EMID1: variants seen among roughly 807,000 people sequenced by gnomAD.
EMID1 encodes the protein EMI domain containing 1.
Under a neutral mutation model 60.6 loss-of-function variants are expected in EMID1, and 40 were observed. The observed-to-expected ratio is 0.66, with a 90% confidence interval of 0.51 to 0.86. EMID1 has a LOEUF of 0.86. Among genes scored for constraint, EMID1 ranks in the 40% least tolerant of loss-of-function variants. The pLI, the probability that EMID1 is intolerant of heterozygous loss-of-function variation, is 0.00. For synonymous variants in EMID1, 242 were observed against 231.0 expected, an observed-to-expected ratio of 1.05 and a Z score of -0.43; for missense variants, 585 against 597.1, an observed-to-expected ratio of 0.98 and a Z score of 0.21.
intron 13 of EMID1, among the ~76,000 whole-genome samples, chr22:29,253,656 G>T (rs922667750): frequency 6.6e-5 from 10 of 152,218 alleles, no homozygotes; most frequent in Admixed American, 1.3e-4. Context: ...CCCATTGAAA[G>T]TCAAGGAACA....
chr22:29,206,233 C>A, intron 1 of EMID1, 94 bp downstream of exon 1: 1 of 987,204 alleles, frequency 1.0e-6, no homozygotes, highest in Non-Finnish European at 1.3e-6. Flanking sequence ...GGAGGGCGAT[C>A]CAGTCCCCAG....
chr22:29,228,593 T>C (rs8142085), intron 5 of EMID1, among the ~76,000 whole-genome samples: 7,185 of 152,274 alleles, frequency 0.047, 351 homozygotes, highest in East Asian at 0.14. Flanking sequence ...TCGTTTTGTT[T>C]TGATTCAGAA....
In EMID1 at chr22:29,206,158, T is replaced by A; in HGVS notation, c.101+19T>A. Reference sequence around the variant, plus strand: ...GACGCAGGTAAGAGCTCCCGGCGCCTTTGCACCCCGCTGGCCGAGGGTCCC... The same window carrying A: ...GACGCAGGTAAGAGCTCCCGGCGCCATTGCACCCCGCTGGCCGAGGGTCCC... On this transcript the variant is annotated intron_variant, in intron 1 of 14. Coordinates refer to ENST00000334018, the MANE Select transcript of EMID1 (RefSeq NM_133455.4). 1.6e-6 allele frequency: 2 copies of A among 1,228,190 alleles called. No homozygotes were observed. The highest frequency in any genetic ancestry group is 2.0e-6 in the Non-Finnish European group (2 of 985,134). The allele number at this position is 1,228,190 out of a possible 1,614,324, so 76.1% of individuals were successfully genotyped here. A position where few individuals can be genotyped will look rare whatever the true frequency, so the allele number is the denominator to read the frequency against.
intron 5 of EMID1, among the ~76,000 whole-genome samples, chr22:29,228,556 T>A (rs981694621): frequency 2.6e-5 from 4 of 152,162 alleles, no homozygotes; most frequent in Non-Finnish European, 4.4e-5. Flanking sequence ...CATCATTCCC[T>A]TCTCTGGAAA....
At chr22:29,228,782 G>T (rs563351621) in intron 5 of EMID1, among the ~76,000 whole-genome samples, 1 of 152,200 alleles carries the variant, frequency 6.6e-6, no homozygotes, top group African/African-American at 2.4e-5. Context: ...TTTTTTTAGA[G>T]CTGGGGTCTT....
At chr22:29,243,537 A>C (rs745381070) in intron 13 of EMID1, 48 bp downstream of exon 13, 1 of 1,609,432 alleles carries the variant, frequency 6.2e-7, no homozygotes, top group Non-Finnish European at 8.5e-7. Flanking sequence ...TCAGCCCTAC[A>C]TGCTCAAGAG....
intron 3 of EMID1, among the ~76,000 whole-genome samples, chr22:29,223,468 T>C (rs558512160): frequency 2.0e-5 from 3 of 152,304 alleles, no homozygotes; most frequent in African/African-American, 7.2e-5. Flanking sequence ...GCAGAAAGAA[T>C]GAAGAGGGCT....
Position 29,243,447 on chromosome 22 carries a change from G to A in EMID1, c.1077G>A (p.Gly359=), listed in dbSNP as rs753978917. The A allele has an allele frequency of 2.5e-6, 4 of 1,613,988 alleles. No homozygotes were observed. The highest frequency in any genetic ancestry group is 3.4e-6 in the Non-Finnish European group (4 of 1,179,990). Residue 359 remains glycine (G), a splice_region_variant and synonymous_variant, in exon 13 of 15, where the codon GGG becomes GGA. Coordinates refer to ENST00000334018, the MANE Select transcript of EMID1 (RefSeq NM_133455.4). ...PGPQGSAGQR[G]EPGPKGDPGE... is the part of the protein sequence containing the mutation. ...GCTATCTCTGTCTCTCCTTGCAGGG[G>A]GAACCTGGCCCTAAGGGAGACCCTG...
intron 12 of EMID1, among the ~76,000 whole-genome samples, chr22:29,234,974 T>A (rs2040888013): frequency 6.6e-6 from 1 of 152,020 alleles, no homozygotes; most frequent in Non-Finnish European, 1.5e-5. Flanking sequence ...TCGTTTGAGC[T>A]CAGGAGTTCA....
chr22:29,214,915 G>A lies in EMID1; in HGVS notation c.102-11G>A. On this transcript the variant is annotated splice_polypyrimidine_tract_variant and intron_variant, in intron 1 of 14. Transcript: ENST00000334018. ...TGGTACCTGAGTTTCCTCTCTTTGG[G>A]TCTGTTTCAGGAACTGGTGCTCCTA... 6.6e-7 allele frequency: 1 copy of A among 1,510,276 alleles called. No individual in the cohort carries two copies. The highest frequency in any genetic ancestry group is 8.9e-7 in the Non-Finnish European group (1 of 1,117,678). 93.6% of individuals were successfully genotyped at this position (1,510,276 alleles called of 1,614,324 possible).
intron 1 of EMID1, 130 bp from the exon 2 acceptor site, chr22:29,214,796 T>C: frequency 1.7e-6 from 1 of 587,250 alleles, no homozygotes. Flanking sequence ...CTTTGCAAGC[T>C]CAGGGCTTCT....
chr22:29,219,961 G>A (rs529281530), intron 3 of EMID1, among the ~76,000 whole-genome samples: 5 of 152,116 alleles, frequency 3.3e-5, no homozygotes, highest in Admixed American at 1.3e-4. Context: ...TTCAGAATCC[G>A]AGGGCTAAAC....
chr22:29,252,216 G>A (rs762278613), intron 13 of EMID1, among the ~76,000 whole-genome samples: 3 of 152,194 alleles, frequency 2.0e-5, no homozygotes, highest in Non-Finnish European at 2.9e-5. Flanking sequence ...GCCATTCAGC[G>A]GCCTGAGGGT....
At chr22:29,243,165 G>A (rs1325190929) in intron 12 of EMID1, among the ~76,000 whole-genome samples, 1 of 152,094 alleles carries the variant, frequency 6.6e-6, no homozygotes, top group Non-Finnish European at 1.5e-5. Context: ...CCAGGCTGAT[G>A]GGGCTGAGGT....
intron 13 of EMID1, among the ~76,000 whole-genome samples, chr22:29,245,707 A>C (rs1345259438): frequency 6.6e-6 from 1 of 152,222 alleles, no homozygotes; most frequent in Non-Finnish European, 1.5e-5. Flanking sequence ...GCTGTGGCCC[A>C]GCAGTGACAC....
intron 10 of EMID1, 49 bp downstream of exon 10, chr22:29,233,715 A>C: frequency 1.9e-6 from 3 of 1,548,524 alleles, no homozygotes; most frequent in Non-Finnish European, 2.7e-6. Flanking sequence ...CCATCTTTCC[A>C]TCTATGCATA....
rs1460474688 is a variant in EMID1 at position 29,215,574 on chromosome 22, T to C, written c.263T>C (p.Val88Ala). 1.2e-6 allele frequency: 2 copies of C among 1,613,992 alleles called. No homozygotes were observed. Among genetic ancestry groups the C allele is most frequent in the Non-Finnish European group, 1.7e-6 (2 of 1,179,980 alleles). Reference protein sequence around the residue: ...RPTYKVMYKIVTAREWRCCPG... With the variant: ...RPTYKVMYKIATAREWRCCPG... ...ACATACAAGGTGATGTACAAGATAGTGACCGCCCGTGAGTGGAGGTGCTGC... is the reference window on the plus strand; with the variant it reads ...ACATACAAGGTGATGTACAAGATAGCGACCGCCCGTGAGTGGAGGTGCTGC... Residue 88 changes from valine (V) to alanine (A), a missense_variant, in exon 3 of 15, where the codon GTG becomes GCG. Transcript: ENST00000334018.
At chr22:29,206,588 G>A (rs1257189017) in intron 1 of EMID1, among the ~76,000 whole-genome samples, 1 of 152,136 alleles carries the variant, frequency 6.6e-6, no homozygotes, top group African/African-American at 2.4e-5. Flanking sequence ...TCGGAGGAGG[G>A]ACTGGGGTGG....
chr22:29,224,358 G>A (rs1216179763), intron 3 of EMID1, among the ~76,000 whole-genome samples: 1 of 152,230 alleles, frequency 6.6e-6, no homozygotes, highest in Non-Finnish European at 1.5e-5. Context: ...TGGCTCCACA[G>A]CCTCTCCAGC....
Sources: gnomAD v4.1 joint callset for allele counts (sites outside exome capture counted in the v4.1 genomes callset) on GRCh38, gnomAD v4.1.1 for gene constraint, MANE v1.5 for transcripts, NCBI Gene and HGNC (gene_info 2026-07-23, HGNC 2026-07-21) for gene names.